SLC4A4: variants seen among roughly 807,000 people sequenced by gnomAD.
The protein encoded by SLC4A4 is electrogenic sodium bicarbonate cotransporter 1.
A neutral mutation model predicts 111.5 loss-of-function variants in SLC4A4; 27 were observed. That is an observed-to-expected ratio of 0.24 (90% confidence interval 0.18 to 0.33). SLC4A4 has a LOEUF of 0.33. Among genes scored for constraint, SLC4A4 ranks in the 10% least tolerant of loss-of-function variants. The pLI is 1.00. For missense variants in SLC4A4, 909 were observed against 1,315.5 expected, an observed-to-expected ratio of 0.69 and a Z score of 4.78; for synonymous variants, 443 against 463.4, an observed-to-expected ratio of 0.96 and a Z score of 0.57.
At chr4:71,377,741 G>C (rs1732540142) in intron 6 of SLC4A4, among the ~76,000 whole-genome samples, 1 of 152,112 alleles carries the variant, frequency 6.6e-6, no homozygotes, top group Non-Finnish European at 1.5e-5. Flanking sequence ...CAAGGGTCAT[G>C]GTGACTCACA....
chr4:71,478,837 A>G (rs1407480947), intron 14 of SLC4A4, among the ~76,000 whole-genome samples: 1 of 151,826 alleles, frequency 6.6e-6, no homozygotes, highest in African/African-American at 2.4e-5. Context: ...GTTTTTTAAA[A>G]TAGTGTTAAT....
chr4:71,508,972 T>C (rs181790117), intron 16 of SLC4A4, among the ~76,000 whole-genome samples: 1 of 152,308 alleles, frequency 6.6e-6, no homozygotes, highest in African/African-American at 2.4e-5. Flanking sequence ...GAAATGTGAT[T>C]CATCACACAA....
At chr4:71,397,686 A>G (rs369890179) in intron 7 of SLC4A4, 33 bp downstream of exon 7, 2 of 1,545,996 alleles carry the variant, frequency 1.3e-6, no homozygotes, top group Non-Finnish European at 1.8e-6. Flanking sequence ...TTTGAAATGT[A>G]AGAGAACGTA....
intron 2 of SLC4A4, among the ~76,000 whole-genome samples, chr4:71,116,985 ATTTATT>A (rs1226327704): frequency 4.0e-5 from 6 of 151,388 alleles, no homozygotes; most frequent in African/African-American, 1.5e-4. Context: ...TTATTTATTT[ATTTATT>A]TTTGAGACAG....
At position 71,236,333 on chromosome 4, in the gene SLC4A4, C is replaced by A; in HGVS notation, c.-1-243C>A. On this transcript the variant is annotated intron_variant, in intron 1 of 25. Coordinates refer to ENST00000264485, the MANE Select transcript of SLC4A4 (RefSeq NM_001098484.3). ...CTGCCTACAGGATTGGGATTATTTT[C>A]TCTTACCTGTCTATGTGGGTGCCCT... is the stretch of plus-strand genomic sequence containing the variant. 8 of 955,262 alleles carry A rather than the reference C, an allele frequency of 8.4e-6. No individual in the cohort carries two copies. The South Asian group carries it at 1.2e-4, about 15-fold the overall frequency. 59.2% of individuals were successfully genotyped at this position (955,262 alleles called of 1,614,324 possible).
chr4:71,401,793 A>G (rs1257383766), intron 7 of SLC4A4, among the ~76,000 whole-genome samples: 1 of 152,210 alleles, frequency 6.6e-6, no homozygotes, highest in Non-Finnish European at 1.5e-5. Context: ...TAATAATGCT[A>G]TAACATCTCA....
In SLC4A4 at chr4:71,463,654, G is replaced by T. The variant is rs1194395634; in HGVS notation, c.1498-2790G>T. Among the ~76,000 whole-genome samples the T allele has an allele frequency of 2.0e-5, 3 of 152,264 alleles. No individual in the cohort carries two copies. In the East Asian group the frequency reaches 5.8e-4, roughly 29 times the overall value. On this transcript the variant is annotated intron_variant, in intron 12 of 25. Coordinates refer to ENST00000264485, the MANE Select transcript of SLC4A4 (RefSeq NM_001098484.3). The stretch of plus-strand genomic sequence containing the variant: ...CATAAATCAAAGTGGTTTTCTGGAA[G>T]AAATTGGTTGTTATCTTTACCGAAT...
intron 17 of SLC4A4, among the ~76,000 whole-genome samples, chr4:71,533,098 A>T (rs1251494850): frequency 6.6e-6 from 1 of 152,158 alleles, no homozygotes; most frequent in Non-Finnish European, 1.5e-5. Flanking sequence ...AAGAATTATT[A>T]AGCTAGTTGC....
At chr4:71,115,359 A>T (rs1426891713) in intron 2 of SLC4A4, among the ~76,000 whole-genome samples, 1 of 152,146 alleles carries the variant, frequency 6.6e-6, no homozygotes, top group African/African-American at 2.4e-5. Context: ...AAAAATAAAT[A>T]AAAAAGAAGG....
intron 2 of SLC4A4, among the ~76,000 whole-genome samples, chr4:71,178,272 A>T (rs1745159364): frequency 6.6e-6 from 1 of 150,926 alleles, no homozygotes; most frequent in Non-Finnish European, 1.5e-5. Flanking sequence ...GTACCCTAAA[A>T]CTTAAAGTAT....
intron 6 of SLC4A4, among the ~76,000 whole-genome samples, chr4:71,376,139 A>C (rs1732343696): frequency 7.3e-6 from 1 of 136,570 alleles, no homozygotes; most frequent in African/African-American, 2.7e-5. Context: ...ATACATACAC[A>C]TATATACCTG....
At position 71,073,177 on chromosome 4, in the gene SLC4A4, AT is replaced by A. The variant is rs567774557; in HGVS notation, c.-65+10396del. On this transcript the variant is annotated intron_variant, in intron 1 of 26. Transcript: ENST00000649996. ...ACATTGCTGAATTCTTTTAATTGCA[AT>A]TTTTTTCCCTTTAAGTTTAACAACT... Among the ~76,000 whole-genome samples, 1,322 of 152,010 alleles carry A rather than the reference AT, an allele frequency of 8.7e-3. 21 individuals are homozygous for A. Among genetic ancestry groups the A allele is most frequent in the African/African-American group, 0.03 (1,250 of 41,464 alleles).
intron 1 of SLC4A4, among the ~76,000 whole-genome samples, chr4:71,197,538 A>G (rs900030748): frequency 1.3e-5 from 2 of 152,216 alleles, no homozygotes; most frequent in East Asian, 3.8e-4. Flanking sequence ...CAGGCTCACT[A>G]GAAGTTGCAA....
intron 3 of SLC4A4, among the ~76,000 whole-genome samples, chr4:71,312,557 C>G (rs1283330469): frequency 2.0e-5 from 3 of 152,156 alleles, no homozygotes; most frequent in Non-Finnish European, 4.4e-5. Context: ...AGCAGCACAT[C>G]AAAAAGCTCA....
At chr4:71,197,531 G>T (rs191927934) in intron 1 of SLC4A4, among the ~76,000 whole-genome samples, 50 of 152,170 alleles carry the variant, frequency 3.3e-4, no homozygotes, top group African/African-American at 1.2e-3. Context: ...TTAAACACAG[G>T]CTCACTAGAA....
intron 14 of SLC4A4, among the ~76,000 whole-genome samples, chr4:71,481,952 G>T (rs956457284): frequency 6.6e-6 from 1 of 151,654 alleles, no homozygotes; most frequent in Non-Finnish European, 1.5e-5. Flanking sequence ...TGCCTCATGA[G>T]CCAGGATGCT....
In SLC4A4 at chr4:71,069,976, C is replaced by T. The variant is rs531972190; in HGVS notation, c.-65+7188C>T. On this transcript the variant is annotated intron_variant, in intron 1 of 26. Coordinates refer to the SLC4A4 transcript ENST00000649996. ...ATGGGAACCAGCTGTTTAAGGATTTCCTGTCTCACAAATAACCCTCATAAG... is the reference window on the plus strand; with the variant it reads ...ATGGGAACCAGCTGTTTAAGGATTTTCTGTCTCACAAATAACCCTCATAAG... Among the ~76,000 whole-genome samples the T allele has an allele frequency of 1.8e-4, 28 of 152,218 alleles. 2 individuals carry two copies. The South Asian group carries it at 5.6e-3, about 30-fold the overall frequency.
At chr4:71,473,783 A>T (rs1728099151) in intron 14 of SLC4A4, among the ~76,000 whole-genome samples, 1 of 151,944 alleles carries the variant, frequency 6.6e-6, no homozygotes, top group African/African-American at 2.4e-5. Context: ...TCCATTTTAT[A>T]ATATGAAAGG....
At chr4:71,421,846 G>A (rs1429921998) in intron 7 of SLC4A4, among the ~76,000 whole-genome samples, 1 of 151,940 alleles carries the variant, frequency 6.6e-6, no homozygotes, top group African/African-American at 2.4e-5. Flanking sequence ...AGTGTGTAGA[G>A]GGAAATTTAT....
Sources: gnomAD v4.1 joint callset for allele counts (sites outside exome capture counted in the v4.1 genomes callset) on GRCh38, gnomAD v4.1.1 for gene constraint, MANE v1.5 for transcripts, NCBI Gene and HGNC (gene_info 2026-07-23, HGNC 2026-07-21) for gene names.